HECW2: variants seen among roughly 807,000 people sequenced by gnomAD.
The protein encoded by HECW2 is HECT, C2 and WW domain containing E3 ubiquitin protein ligase 2.
In HECW2, 61 loss-of-function variants were observed where a neutral mutation model predicts 175.2. That is an observed-to-expected ratio of 0.35 (90% CI 0.28 to 0.43). The LOEUF (loss-of-function observed/expected upper bound fraction) is 0.43, where lower values mean the gene tolerates loss of function less well. Ranked by LOEUF, HECW2 falls within the 20% of genes least tolerant of loss-of-function variation. The pLI, the probability that HECW2 is intolerant of heterozygous loss-of-function variation, is 1.00. For synonymous variants in HECW2, 671 were observed against 731.0 expected (o/e 0.92, Z 1.32); for missense variants, 1,524 against 2,000.5 (o/e 0.76, Z 4.54).
rs551841388 is a variant in HECW2, at chr2:196,553,616, C to T, written c.-36+39892G>A. Among the ~76,000 whole-genome samples, 14 of 152,268 alleles carry T rather than the reference C, an allele frequency of 9.2e-5. 1 individual carries two copies. The highest frequency in any genetic ancestry group is 8.5e-4 in the Admixed American group (13 of 15,298). ...CTCCTCAGCAGGATGAAGCAGTGAC[C>T]AAGAAAACATGGTAGAAAATTGCAG... On this transcript the variant is annotated intron_variant, in intron 1 of 28. Coordinates refer to ENST00000644978, the MANE Select transcript of HECW2 (RefSeq NM_001348768.2).
At chr2:196,419,384 G>A (rs189152784) in intron 2 of HECW2, among the ~76,000 whole-genome samples, 4 of 152,218 alleles carry the variant, frequency 2.6e-5, no homozygotes, top group Admixed American at 6.5e-5. Context: ...ACAAAAGACT[G>A]GCATGTGCAC....
At position 196,196,196 on chromosome 2, in the gene HECW2, A is replaced by G. The variant is rs1575203678; in HGVS notation, c.*5081T>C. 6.6e-6 allele frequency: 1 copy of G among 152,244 alleles called. No homozygotes were observed. The highest frequency in any genetic ancestry group is 2.4e-5 in the African/African-American group (1 of 41,436). 9.4% of individuals were successfully genotyped at this position (152,244 alleles called of 1,614,324 possible). On this transcript the variant is annotated 3_prime_UTR_variant, in exon 29 of 29. Transcript: ENST00000644978. ...GAATCTTGACAGTTGGTCAATAATTAGCATTATATTCTTGCGGGGTGGCAC... is the reference window on the plus strand; with the variant it reads ...GAATCTTGACAGTTGGTCAATAATTGGCATTATATTCTTGCGGGGTGGCAC...
chr2:196,436,578 A>T (rs1332780146), intron 1 of HECW2, among the ~76,000 whole-genome samples: 2 of 152,160 alleles, frequency 1.3e-5, no homozygotes, highest in African/African-American at 4.8e-5. Context: ...CACGCAACTA[A>T]GGGCCAAAAA....
intron 1 of HECW2, among the ~76,000 whole-genome samples, chr2:196,507,175 T>TTACACACACTAATACGTGTATATTA (rs2125410624): frequency 7.1e-6 from 1 of 140,736 alleles, no homozygotes; most frequent in Admixed American, 7.0e-5. Context: ...TATGTGTATA[T>TTACACACACTAATACGTGTATATTA]TACACACACT....
At chr2:196,300,215 T>A (rs1452871316) in intron 13 of HECW2, among the ~76,000 whole-genome samples, 1 of 152,216 alleles carries the variant, frequency 6.6e-6, no homozygotes, top group African/African-American at 2.4e-5. Flanking sequence ...GCTGTCTGTG[T>A]TTGTAAACAA....
intron 14 of HECW2, among the ~76,000 whole-genome samples, chr2:196,283,995 A>T (rs1423690968): frequency 1.3e-5 from 2 of 151,824 alleles, no homozygotes; most frequent in Non-Finnish European, 2.9e-5. Flanking sequence ...CTTTTTCCCC[A>T]CCTCTCTGCT....
intron 2 of HECW2, among the ~76,000 whole-genome samples, chr2:196,348,939 T>G (rs573156265): frequency 1.3e-5 from 2 of 152,288 alleles, no homozygotes; most frequent in Non-Finnish European, 2.9e-5. Context: ...ATGCATTCTG[T>G]GGCATCCAAG....
intron 2 of HECW2, among the ~76,000 whole-genome samples, chr2:196,402,803 A>ATTTTTTTTTTTTT (rs369586280): frequency 8.1e-6 from 1 of 123,622 alleles, no homozygotes; most frequent in African/African-American, 3.1e-5. Flanking sequence ...TGCCTTGGGA[A>ATTTTTTTTTTTTT]TTTTTTTTTT....
chr2:196,405,035 G>A (rs1358416503), intron 2 of HECW2, among the ~76,000 whole-genome samples: 1 of 149,274 alleles, frequency 6.7e-6, no homozygotes, highest in East Asian at 2.0e-4. Flanking sequence ...GTTTCACCAT[G>A]TTAGCCAGGA....
intron 7 of HECW2, among the ~76,000 whole-genome samples, chr2:196,321,586 G>A (rs1691944410): frequency 6.6e-6 from 1 of 151,990 alleles, no homozygotes; most frequent in African/African-American, 2.4e-5. Flanking sequence ...TTTTAGTAGA[G>A]ACAGGGTTTC....
At chr2:196,303,713 C>T (rs1259593686) in intron 13 of HECW2, among the ~76,000 whole-genome samples, 5 of 152,140 alleles carry the variant, frequency 3.3e-5, no homozygotes, top group African/African-American at 9.7e-5. Flanking sequence ...TTATAGTATT[C>T]TCTGACACGG....
intron 1 of HECW2, among the ~76,000 whole-genome samples, chr2:196,503,773 GGATA>G (rs1383973341): frequency 6.6e-6 from 1 of 152,166 alleles, no homozygotes; most frequent in African/African-American, 2.4e-5. Flanking sequence ...CATCTCAGAC[GGATA>G]GAAACACAAA....
intron 1 of HECW2, among the ~76,000 whole-genome samples, chr2:196,503,315 T>A (rs1173874390): frequency 6.6e-6 from 1 of 152,032 alleles, no homozygotes; most frequent in African/African-American, 2.4e-5. Flanking sequence ...TCCAGGTGCA[T>A]ACATTCCCTT....
At position 196,580,624 on chromosome 2, in the gene HECW2, T is replaced by C. The variant is rs570209703; in HGVS notation, c.-36+12884A>G. On this transcript the variant is annotated intron_variant, in intron 1 of 28. Coordinates refer to ENST00000644978, the MANE Select transcript of HECW2 (RefSeq NM_001348768.2). Reference sequence around the variant, plus strand: ...ATGGAAATACAAACGAAAACCTTAATGAAACACAACTTCACACCCGCTACA... The same window carrying C: ...ATGGAAATACAAACGAAAACCTTAACGAAACACAACTTCACACCCGCTACA... Among the ~76,000 whole-genome samples, 17 of 142,822 alleles carry C rather than the reference T, an allele frequency of 1.2e-4. No individual in the cohort carries two copies. In the South Asian group the frequency reaches 3.8e-3, roughly 32 times the overall value. The allele number at this position is 142,822 out of a possible 152,430, so 93.7% of individuals were successfully genotyped here. A position where few individuals can be genotyped will look rare whatever the true frequency, so the allele number is the denominator to read the frequency against.
At chr2:196,501,544 C>A (rs1204907869) in intron 1 of HECW2, among the ~76,000 whole-genome samples, 1 of 152,130 alleles carries the variant, frequency 6.6e-6, no homozygotes, top group Non-Finnish European at 1.5e-5. Flanking sequence ...AGCCACCATG[C>A]CTGGCCAAGA....
chr2:196,342,192 G>T (rs1692778063), intron 3 of HECW2, among the ~76,000 whole-genome samples: 2 of 151,832 alleles, frequency 1.3e-5, no homozygotes, highest in Admixed American at 1.3e-4. Context: ...ATCACCTGAG[G>T]TCAGGAGTTC....
At position 196,198,547 on chromosome 2, in the gene HECW2, A is replaced by G. The variant is rs555174507; in HGVS notation, c.*2730T>C. 6.6e-6 allele frequency: 1 copy of G among 152,364 alleles called. No individual in the cohort carries two copies. The highest frequency in any genetic ancestry group is 1.5e-5 in the Non-Finnish European group (1 of 68,028). 9.4% of individuals were successfully genotyped at this position (152,364 alleles called of 1,614,324 possible). Reference sequence around the variant, plus strand: ...CTTGTAGCTCCATCGTCAAACAAACATCAAACTGGCACAGAGGGAATGCCA... The same window carrying G: ...CTTGTAGCTCCATCGTCAAACAAACGTCAAACTGGCACAGAGGGAATGCCA... On this transcript the variant is annotated 3_prime_UTR_variant, in exon 29 of 29. Transcript: ENST00000644978.
At chr2:196,273,980 G>T in intron 16 of HECW2, 41 bp downstream of exon 16, 2 of 1,401,858 alleles carry the variant, frequency 1.4e-6, no homozygotes, top group Non-Finnish European at 1.0e-6. Flanking sequence ...TACAGATAAT[G>T]GCACAAAAGG....
chr2:196,472,481 CAA>C (rs538116476), intron 1 of HECW2, among the ~76,000 whole-genome samples: 19,425 of 70,212 alleles, frequency 0.28, 983 homozygotes, highest in South Asian at 0.34. Flanking sequence ...GAGACTCCGT[CAA>C]AAAAAAAAAA....
Sources: gnomAD v4.1 joint callset for allele counts (sites outside exome capture counted in the v4.1 genomes callset) on GRCh38, gnomAD v4.1.1 for gene constraint, MANE v1.5 for transcripts, NCBI Gene and HGNC (gene_info 2026-07-23, HGNC 2026-07-21) for gene names.